PDE4D: variants seen among roughly 807,000 people sequenced by gnomAD.
The protein encoded by PDE4D is 3',5'-cyclic-AMP phosphodiesterase 4D.
In PDE4D, 24 loss-of-function variants were observed where a neutral mutation model predicts 87.4. That is an observed-to-expected ratio of 0.27 (90% CI 0.20 to 0.39). PDE4D has a LOEUF of 0.39. Ranked by LOEUF, PDE4D falls within the 10% of genes least tolerant of loss-of-function variation. The pLI is 1.00. For synonymous variants in PDE4D, 384 were observed against 383.2 expected, an observed-to-expected ratio of 1.00 and a Z score of -0.02; for missense variants, 714 against 1,041.0, an observed-to-expected ratio of 0.69 and a Z score of 4.32.
intron 2 of PDE4D, among the ~76,000 whole-genome samples, chr5:60,040,239 C>G (rs923139779): frequency 6.6e-6 from 1 of 152,132 alleles, no homozygotes; most frequent in Non-Finnish European, 1.5e-5. Context: ...AAAAGCAAAG[C>G]CTCTTTTTTG....
intron 1 of PDE4D, among the ~76,000 whole-genome samples, chr5:60,449,165 GA>G (rs1745893833): frequency 6.8e-6 from 1 of 147,284 alleles, no homozygotes; most frequent in African/African-American, 2.5e-5. Flanking sequence ...AATCTCCCTA[GA>G]TCCCATTTTT....
At chr5:59,953,203 A>G (rs191723566) in intron 3 of PDE4D, among the ~76,000 whole-genome samples, 27 of 151,108 alleles carry the variant, frequency 1.8e-4, no homozygotes, top group Middle Eastern at 6.8e-3. Flanking sequence ...AGAAATGTTT[A>G]CAGACTATAA....
At chr5:59,417,257 T>C (rs890779332) in intron 1 of PDE4D, among the ~76,000 whole-genome samples, 3 of 152,160 alleles carry the variant, frequency 2.0e-5, no homozygotes, top group Admixed American at 6.5e-5. Context: ...ATTATAGCAA[T>C]GAGGTGCTCA....
chr5:59,671,085 G>C (rs1436957941), intron 1 of PDE4D, among the ~76,000 whole-genome samples: 2 of 152,116 alleles, frequency 1.3e-5, no homozygotes, highest in African/African-American at 2.4e-5. Flanking sequence ...ATGAGTTCTG[G>C]TTATTTAGCC....
At chr5:59,729,261 C>G (rs1467891362) in intron 1 of PDE4D, among the ~76,000 whole-genome samples, 1 of 151,966 alleles carries the variant, frequency 6.6e-6, no homozygotes, top group Non-Finnish European at 1.5e-5. Flanking sequence ...GGTGAGAGAG[C>G]CTCAATGTTT....
intron 2 of PDE4D, among the ~76,000 whole-genome samples, chr5:60,021,541 G>C (rs1423244648): frequency 6.6e-6 from 1 of 152,176 alleles, no homozygotes; most frequent in African/African-American, 2.4e-5. Context: ...GTAATTTTAA[G>C]CATGGGATCC....
chr5:60,074,836 T>G (rs375657511), intron 2 of PDE4D, among the ~76,000 whole-genome samples: 1 of 152,210 alleles, frequency 6.6e-6, no homozygotes, highest in Non-Finnish European at 1.5e-5. Flanking sequence ...CCCTGTTTTT[T>G]TCTGTTTTGC....
chr5:59,793,199 C>T (rs974318364), intron 1 of PDE4D, among the ~76,000 whole-genome samples: 7 of 152,190 alleles, frequency 4.6e-5, no homozygotes, highest in Admixed American at 1.3e-4. Flanking sequence ...TCAGGAACCA[C>T]GTCCTGGGAG....
chr5:60,239,006 T>A (rs987292382), intron 1 of PDE4D, among the ~76,000 whole-genome samples: 3 of 152,082 alleles, frequency 2.0e-5, no homozygotes, highest in Non-Finnish European at 4.4e-5. Context: ...AATGGAACAC[T>A]AGGCGTAAAT....
intron 5 of PDE4D, among the ~76,000 whole-genome samples, chr5:59,127,370 T>A (rs1158836940): frequency 2.6e-5 from 4 of 152,178 alleles, no homozygotes; most frequent in Non-Finnish European, 4.4e-5. Flanking sequence ...TGGCACAGTT[T>A]GTTTTATGTG....
At chr5:60,452,616 G>A (rs2150154295) in intron 1 of PDE4D, among the ~76,000 whole-genome samples, 1 of 152,000 alleles carries the variant, frequency 6.6e-6, no homozygotes, top group East Asian at 1.9e-4. Context: ...ACCATAACAT[G>A]AAGCAAAACG....
At chr5:60,285,130 T>G in intron 1 of PDE4D, among the ~76,000 whole-genome samples, 1 of 152,140 alleles carries the variant, frequency 6.6e-6, no homozygotes, top group East Asian at 1.9e-4. Flanking sequence ...TTTACTAGCA[T>G]TCTATTTAGT....
intron 5 of PDE4D, among the ~76,000 whole-genome samples, chr5:59,053,362 T>TACACACACAC (rs57805618): frequency 9.1e-5 from 13 of 142,174 alleles, no homozygotes; most frequent in African/African-American, 3.4e-4. Flanking sequence ...TGGGTGTACA[T>TACACACACAC]ACACACACAC....
At chr5:59,530,386 C>G (rs1450135261) in intron 1 of PDE4D, among the ~76,000 whole-genome samples, 2 of 152,046 alleles carry the variant, frequency 1.3e-5, no homozygotes. Flanking sequence ...GGGATTGGTT[C>G]CAGGTCTTCA....
At chr5:59,207,573 C>T (rs1749079083) in intron 2 of PDE4D, among the ~76,000 whole-genome samples, 1 of 152,040 alleles carries the variant, frequency 6.6e-6, no homozygotes, top group South Asian at 2.1e-4. Flanking sequence ...TTTTGGTATG[C>T]ACTGAAAAAT....
At chr5:58,994,040 A>AATT (rs1228055236) in intron 6 of PDE4D, among the ~76,000 whole-genome samples, 9 of 152,336 alleles carry the variant, frequency 5.9e-5, no homozygotes, top group Admixed American at 5.2e-4. Context: ...AAAACTTAAT[A>AATT]GACTTGAGTA....
intron 1 of PDE4D, among the ~76,000 whole-genome samples, chr5:59,736,681 AAAAAAAAGAAAAAG>A (rs1462453962): frequency 6.6e-6 from 1 of 152,086 alleles, no homozygotes; most frequent in African/African-American, 2.4e-5. Flanking sequence ...TTTGTCTCAA[AAAAAAAAGAAAAAG>A]AAAAAAAGGA....
intron 1 of PDE4D, among the ~76,000 whole-genome samples, chr5:59,637,582 T>C (rs1265070283): frequency 6.8e-6 from 1 of 147,994 alleles, no homozygotes; most frequent in Non-Finnish European, 1.5e-5. Context: ...AAAAAAAAAA[T>C]GAGTTCATGT....
chr5:59,505,466 G>A (rs529616196), intron 1 of PDE4D, among the ~76,000 whole-genome samples: 25 of 152,224 alleles, frequency 1.6e-4, no homozygotes, highest in African/African-American at 4.3e-4. Context: ...AAATTCACAC[G>A]GACAGGGGAA....
Sources: allele counts gnomAD v4.1 joint callset (sites outside exome capture counted in the v4.1 genomes callset), GRCh38; gene constraint gnomAD v4.1.1; transcripts MANE v1.5; gene names NCBI Gene and HGNC (gene_info 2026-07-23, HGNC 2026-07-21).